RHOBTB3: variants seen among roughly 807,000 people sequenced by gnomAD.
RHOBTB3 encodes the protein rho-related BTB domain-containing protein 3.
RHOBTB3 carries 47 observed loss-of-function variants against 67.2 expected under a neutral mutation model. The ratio of observed to expected loss-of-function variants is 0.70; its 90% CI spans 0.55 to 0.89. The LOEUF is 0.89. RHOBTB3 is among the 40% of genes least tolerant of loss of function. The pLI is 0.00. For missense variants in RHOBTB3, 631 were observed against 750.0 expected, an observed-to-expected ratio of 0.84 and a Z score of 1.85; for synonymous variants, 273 against 274.2, an observed-to-expected ratio of 1.00 and a Z score of 0.04.
chr5:95,737,093 T>C lies in RHOBTB3; in HGVS notation c.415+18T>C. 1 of 1,407,472 alleles carries C rather than the reference T, an allele frequency of 7.1e-7. No individual in the cohort carries two copies. 87.2% of individuals were successfully genotyped at this position (1,407,472 alleles called of 1,614,324 possible). ...ACAAAATGGTAAGTATTTAATATTC[T>C]TTTTTGTAGTGAGCATGCAAATATT... is the stretch of plus-strand genomic sequence containing the variant. On this transcript the variant is annotated intron_variant, in intron 3 of 11. Transcript: ENST00000379982.
intron 5 of RHOBTB3, among the ~76,000 whole-genome samples, chr5:95,754,792 T>C (rs1400700854): frequency 1.3e-5 from 2 of 152,198 alleles, no homozygotes; most frequent in African/African-American, 4.8e-5. Flanking sequence ...AAATGCTAGT[T>C]TTGGAATCCA....
At chr5:95,730,142 G>A (rs1580387773), upstream of RHOBTB3, among the ~76,000 whole-genome samples, 1 of 151,466 alleles carries the variant, frequency 6.6e-6, no homozygotes, top group Non-Finnish European at 1.5e-5. Context: ...CTCTGAGCAC[G>A]AGAAACTATT....
chr5:95,757,693 G>A (rs1161997478), intron 6 of RHOBTB3, among the ~76,000 whole-genome samples: 1 of 152,210 alleles, frequency 6.6e-6, no homozygotes. Context: ...AATACATATT[G>A]GAGTAGAATG....
At chr5:95,775,551 A>G (rs1745848666) in intron 8 of RHOBTB3, among the ~76,000 whole-genome samples, 1 of 152,012 alleles carries the variant, frequency 6.6e-6, no homozygotes, top group Non-Finnish European at 1.5e-5. Flanking sequence ...CATTTCAGAT[A>G]AGGGCTACTC....
intron 1 of RHOBTB3, among the ~76,000 whole-genome samples, chr5:95,724,194 G>A (rs1343443437): frequency 6.6e-6 from 1 of 152,130 alleles, no homozygotes; most frequent in Non-Finnish European, 1.5e-5. Flanking sequence ...TTTATTTAAA[G>A]GCTCTCTGAA....
rs760490023 is a variant in RHOBTB3, at chr5:95,755,484, A to G, written c.771A>G (p.Val257=). 8.1e-6 allele frequency: 13 copies of G among 1,613,888 alleles called. No homozygotes were observed. In the Admixed American group the frequency reaches 2.2e-4, roughly 27 times the overall value. Reference sequence around the variant, plus strand: ...TCTGCTGCCAGTGTGTGGACGTGGTATTTTACAACCCCAATTTAAAGAAAG... The same window carrying G: ...TCTGCTGCCAGTGTGTGGACGTGGTGTTTTACAACCCCAATTTAAAGAAAG... The part of the protein sequence containing the change: ...LLFCCQCVDV[V]FYNPNLKKVV... Residue 257 remains valine (V), a synonymous_variant, in exon 6 of 12, where the codon GTA becomes GTG. Coordinates refer to ENST00000379982, the MANE Select transcript of RHOBTB3 (RefSeq NM_014899.4).
At chr5:95,765,360 G>A (rs1745512347) in intron 7 of RHOBTB3, among the ~76,000 whole-genome samples, 1 of 152,110 alleles carries the variant, frequency 6.6e-6, no homozygotes, top group South Asian at 2.1e-4. Context: ...ATTCTTATTG[G>A]GGAAAGGGAA....
intron 11 of RHOBTB3, among the ~76,000 whole-genome samples, 181 bp from the exon 12 acceptor site, chr5:95,792,878 C>T (rs546931361): frequency 1.3e-5 from 2 of 151,254 alleles, no homozygotes; most frequent in Non-Finnish European, 2.9e-5. Context: ...CACATAATAA[C>T]TTAAATCCTG....
chr5:95,731,364 A>G lies in RHOBTB3; in HGVS notation c.-319A>G. ...AGGAGGCGACAGCTGCCAGCCGAGG[A>G]GGCGCGGCGGAGAGGGGACTGCGGT... On this transcript the variant is annotated 5_prime_UTR_variant, in exon 1 of 12. Coordinates refer to ENST00000379982, the MANE Select transcript of RHOBTB3 (RefSeq NM_014899.4). 8.8e-7 allele frequency: 1 copy of G among 1,141,718 alleles called. No homozygotes were observed. The highest frequency in any genetic ancestry group is 1.1e-6 in the Non-Finnish European group (1 of 933,302). 70.7% of individuals were successfully genotyped at this position (1,141,718 alleles called of 1,614,324 possible). A position where few individuals can be genotyped will look rare whatever the true frequency, so the allele number is the denominator to read the frequency against.
In RHOBTB3 at chr5:95,731,532, G is replaced by T. The variant is rs1755247790; in HGVS notation, c.-151G>T. 7.3e-7 allele frequency: 1 copy of T among 1,377,018 alleles called. No homozygotes were observed. Among genetic ancestry groups the T allele is most frequent in the Non-Finnish European group, 9.4e-7 (1 of 1,068,950 alleles). 85.3% of individuals were successfully genotyped at this position (1,377,018 alleles called of 1,614,324 possible). A position where few individuals can be genotyped will look rare whatever the true frequency, so the allele number is the denominator to read the frequency against. ...CGCTGGCTGGCGCGGCCCCGGCCCC[G>T]CTCTGCGTCGGCCCCGCCGCGGTGG... is the stretch of plus-strand genomic sequence containing the variant. On this transcript the variant is annotated 5_prime_UTR_variant, in exon 1 of 12. Transcript: ENST00000379982.
At chr5:95,757,331 C>T (rs1027049367) in intron 6 of RHOBTB3, among the ~76,000 whole-genome samples, 1 of 152,202 alleles carries the variant, frequency 6.6e-6, no homozygotes, top group Non-Finnish European at 1.5e-5. Flanking sequence ...TATAAGTTTT[C>T]TCAGAACTCC....
At chr5:95,777,837 C>T (rs1047408777) in intron 8 of RHOBTB3, among the ~76,000 whole-genome samples, 12 of 152,164 alleles carry the variant, frequency 7.9e-5, no homozygotes, top group African/African-American at 2.9e-4. Context: ...GTACAGTTGG[C>T]TGGGTGCAGT....
At chr5:95,756,796 G>C (rs1346192891) in intron 6 of RHOBTB3, among the ~76,000 whole-genome samples, 1 of 151,828 alleles carries the variant, frequency 6.6e-6, no homozygotes, top group Non-Finnish European at 1.5e-5. Context: ...TATTTGCCTT[G>C]GTTTTAAATC....
At chr5:95,785,639 G>A (rs755941515) in intron 10 of RHOBTB3, among the ~76,000 whole-genome samples, 1 of 151,306 alleles carries the variant, frequency 6.6e-6, no homozygotes, top group Admixed American at 6.6e-5. Flanking sequence ...TTTGTAAAAC[G>A]TTTACATTCA....
intron 8 of RHOBTB3, among the ~76,000 whole-genome samples, chr5:95,770,945 A>C (rs1396874553): frequency 6.6e-6 from 1 of 152,136 alleles, no homozygotes; most frequent in Non-Finnish European, 1.5e-5. Context: ...AAAAAAAAAA[A>C]CATTTTTACA....
At position 95,731,983 on chromosome 5, in the gene RHOBTB3, T is replaced by C. The variant is rs1404571277; in HGVS notation, c.127T>C (p.Leu43=). 1.2e-6 allele frequency: 2 copies of C among 1,614,156 alleles called. No individual in the cohort carries two copies. The highest frequency in any genetic ancestry group is 2.2e-5 in the East Asian group (1 of 44,868). The change falls in exon 2 of 12, where the codon TTG becomes CTG. Residue 43 remains leucine, a synonymous_variant. Coordinates refer to ENST00000379982, the MANE Select transcript of RHOBTB3 (RefSeq NM_014899.4). ...PLVSGDESSL[L]LNAASTVARP... Reference sequence around the variant, plus strand: ...GGTCTCCGGGGACGAGAGCAGCTTGTTGCTGAACGCGGCCAGCACGGTCGC... The same window carrying C: ...GGTCTCCGGGGACGAGAGCAGCTTGCTGCTGAACGCGGCCAGCACGGTCGC...
intron 5 of RHOBTB3, among the ~76,000 whole-genome samples, chr5:95,754,142 G>T (rs1260691056): frequency 1.3e-5 from 2 of 152,136 alleles, no homozygotes; most frequent in Non-Finnish European, 2.9e-5. Flanking sequence ...GGGTCTTCAT[G>T]TGAGGGCACT....
chr5:95,769,022 C>A, intron 8 of RHOBTB3: 1 of 263,000 alleles, frequency 3.8e-6, no homozygotes, highest in Non-Finnish European at 7.7e-6. Flanking sequence ...CCAGTCTTTC[C>A]GCAGACGAGA....
At chr5:95,731,036 T>C (rs1274774589), upstream of RHOBTB3, 9 of 1,000,560 alleles carry the variant, frequency 9.0e-6, no homozygotes, top group Non-Finnish European at 1.0e-5. Flanking sequence ...CCCCCTTTCC[T>C]GGCTCTGGTT....
Sources: gnomAD v4.1 joint callset for allele counts (sites outside exome capture counted in the v4.1 genomes callset) on GRCh38, gnomAD v4.1.1 for gene constraint, MANE v1.5 for transcripts, NCBI Gene and HGNC (gene_info 2026-07-23, HGNC 2026-07-21) for gene names.